Variants in NOS1AP observed in about 807,000 individuals in gnomAD.
The protein encoded by NOS1AP is carboxyl-terminal PDZ ligand of neuronal nitric oxide synthase protein.
NOS1AP carries 21 observed loss-of-function variants against 56.2 expected under a neutral mutation model. That is an observed-to-expected ratio of 0.37 (90% CI 0.26 to 0.54). The LOEUF (loss-of-function observed/expected upper bound fraction) is 0.54. NOS1AP is among the 20% of genes least tolerant of loss of function. The probability of loss-of-function intolerance (pLI) is 0.84; values close to 1 mark genes in which losing one functional copy is unlikely to be tolerated. For missense variants in NOS1AP, 522 were observed against 657.8 expected (o/e 0.79, Z 2.26); for synonymous variants, 270 against 274.6 (o/e 0.98, Z 0.17).
At chr1:162,082,777 C>A (rs1691922372) in intron 1 of NOS1AP, among the ~76,000 whole-genome samples, 1 of 152,168 alleles carries the variant, frequency 6.6e-6, no homozygotes, top group Non-Finnish European at 1.5e-5. Context: ...CATGGTGCCT[C>A]TGGTAGAGTA....
At chr1:162,159,152 CA>C (rs2102104867) in intron 2 of NOS1AP, among the ~76,000 whole-genome samples, 1 of 152,250 alleles carries the variant, frequency 6.6e-6, no homozygotes, top group East Asian at 1.9e-4. Flanking sequence ...GTATGATTTG[CA>C]TTAGTAAATA....
chr1:162,318,784 A>T (rs1421790655), intron 4 of NOS1AP, among the ~76,000 whole-genome samples: 3 of 151,972 alleles, frequency 2.0e-5, no homozygotes, highest in Non-Finnish European at 4.4e-5. Context: ...AGACAATTCC[A>T]TCTGGCTTTT....
intron 2 of NOS1AP, among the ~76,000 whole-genome samples, chr1:162,213,205 C>A (rs1367369966): frequency 6.6e-6 from 1 of 152,216 alleles, no homozygotes; most frequent in Non-Finnish European, 1.5e-5. Flanking sequence ...AGCATGACCC[C>A]TTTTGCTTTA....
intron 4 of NOS1AP, among the ~76,000 whole-genome samples, chr1:162,327,581 T>A (rs1438687423): frequency 6.6e-6 from 1 of 152,164 alleles, no homozygotes; most frequent in African/African-American, 2.4e-5. Flanking sequence ...GAGCTAGTCC[T>A]AAAAAACCAG....
chr1:162,133,412 C>T (rs1405357424), intron 1 of NOS1AP, among the ~76,000 whole-genome samples: 1 of 152,160 alleles, frequency 6.6e-6, no homozygotes, highest in Non-Finnish European at 1.5e-5. Context: ...TGTGCCTAAA[C>T]CCAGATACCA....
chr1:162,140,775 C>T (rs549445420), intron 1 of NOS1AP, among the ~76,000 whole-genome samples: 14 of 152,180 alleles, frequency 9.2e-5, no homozygotes, highest in Admixed American at 8.5e-4. Context: ...AGTATAGAAG[C>T]GCGCCCTTTT....
intron 1 of NOS1AP, among the ~76,000 whole-genome samples, chr1:162,149,445 A>C (rs1032644000): frequency 2.6e-5 from 4 of 152,252 alleles, no homozygotes; most frequent in Non-Finnish European, 4.4e-5. Flanking sequence ...ATGGTGTCTT[A>C]CACTTTGCTC....
In NOS1AP at chr1:162,276,199, A is replaced by G. The variant is rs927018339; in HGVS notation, c.178-11145A>G. 7.9e-5 allele frequency among the ~76,000 whole-genome samples: 12 copies of G among 152,276 alleles called. No individual in the cohort carries two copies. In the South Asian group the frequency reaches 2.5e-3, roughly 32 times the overall value. Reference sequence around the variant, plus strand: ...GGTTATGGCACTTTGCTATGGTGAAAACAGTCCTGCAGAAAACAGTGCTCT... The same window carrying G: ...GGTTATGGCACTTTGCTATGGTGAAGACAGTCCTGCAGAAAACAGTGCTCT... On this transcript the variant is annotated intron_variant, in intron 2 of 9. Coordinates refer to ENST00000361897, the MANE Select transcript of NOS1AP (RefSeq NM_014697.3).
intron 1 of NOS1AP, among the ~76,000 whole-genome samples, chr1:162,106,320 C>G (rs1359081536): frequency 1.3e-5 from 2 of 152,132 alleles, no homozygotes; most frequent in Non-Finnish European, 1.5e-5. Context: ...CCTGGTCAGT[C>G]CCAATGTGAG....
chr1:162,195,252 A>G (rs1287659347), intron 2 of NOS1AP, among the ~76,000 whole-genome samples: 10 of 152,166 alleles, frequency 6.6e-5, no homozygotes, highest in Admixed American at 6.5e-4. Flanking sequence ...TATTAATATT[A>G]ATACCAAATT....
rs16859730 is a variant in NOS1AP at position 162,287,290 on chromosome 1, G to C, written c.178-54G>C. 2.3e-6 allele frequency: 3 copies of C among 1,290,162 alleles called. No homozygotes were observed. The South Asian group carries it at 3.6e-5, about 15-fold the overall frequency. 79.9% of individuals were successfully genotyped at this position (1,290,162 alleles called of 1,614,324 possible). A position where few individuals can be genotyped will look rare whatever the true frequency, so the allele number is the denominator to read the frequency against. On this transcript the variant is annotated intron_variant, in intron 2 of 9. Transcript: ENST00000361897. ...GGCATGGGCTAGCTGGGTCTGTATA[G>C]ATGCACTGATCTCATCAGATTGCAC...
At chr1:162,196,070 A>G (rs186950009) in intron 2 of NOS1AP, among the ~76,000 whole-genome samples, 55 of 152,318 alleles carry the variant, frequency 3.6e-4, no homozygotes, top group Non-Finnish European at 5.9e-4. Context: ...TGGTTGTGTG[A>G]ATGTGGGGGT....
chr1:162,304,701 G>C (rs970314433), intron 4 of NOS1AP, among the ~76,000 whole-genome samples: 6 of 151,740 alleles, frequency 4.0e-5, no homozygotes, highest in African/African-American at 1.5e-4. Flanking sequence ...TTTAGTCCCT[G>C]TGTTTTCGGT....
In NOS1AP at chr1:162,288,767, T is replaced by TTA. The variant is rs138971089; in HGVS notation, c.270+1334_270+1335dup. ...AGTATGTAGAAAAAAGATATACTGT[T>TTA]TATAAAGAACCACCTTCTTCAAAAT... On this transcript the variant is annotated intron_variant, in intron 3 of 9. Coordinates refer to ENST00000361897, the MANE Select transcript of NOS1AP (RefSeq NM_014697.3). 8.9e-3 allele frequency among the ~76,000 whole-genome samples: 1,350 copies of TTA among 152,310 alleles called. 19 individuals carry two copies. Among genetic ancestry groups the TTA allele is most frequent in the African/African-American group, 0.031 (1,281 of 41,554 alleles).
chr1:162,196,363 T>G (rs12093324), intron 2 of NOS1AP, among the ~76,000 whole-genome samples: 18,290 of 152,240 alleles, frequency 0.12, 1,216 homozygotes, highest in South Asian at 0.2. Context: ...TACCACGCTC[T>G]TTCTGTATTA....
chr1:162,325,684 T>G (rs1656567452), intron 4 of NOS1AP, among the ~76,000 whole-genome samples: 1 of 152,144 alleles, frequency 6.6e-6, no homozygotes, highest in Non-Finnish European at 1.5e-5. Context: ...GTTTTCCGAC[T>G]TCTGCATGTG....
Position 162,337,577 on chromosome 1 carries a change from A to T in NOS1AP, c.453+4452A>T, listed in dbSNP as rs138221494. ...GAATCACTCTCTTTGTGGATGAGAAAATCAATACTGAGAAAGGAGAATTAA... is the reference window on the plus strand; with the variant it reads ...GAATCACTCTCTTTGTGGATGAGAATATCAATACTGAGAAAGGAGAATTAA... On this transcript the variant is annotated intron_variant, in intron 5 of 9. Transcript: ENST00000361897. Among the ~76,000 whole-genome samples, 8 of 152,330 alleles carry T rather than the reference A, an allele frequency of 5.3e-5. No individual in the cohort carries two copies. In the East Asian group the frequency reaches 1.5e-3, roughly 29 times the overall value.
At chr1:162,218,740 G>A (rs2101655061) in intron 2 of NOS1AP, among the ~76,000 whole-genome samples, 1 of 152,242 alleles carries the variant, frequency 6.6e-6, no homozygotes, top group African/African-American at 2.4e-5. Context: ...GAGGGTTTCA[G>A]GAGTGTCCCG....
chr1:162,202,778 T>C (rs943837356), intron 2 of NOS1AP, among the ~76,000 whole-genome samples: 1 of 152,248 alleles, frequency 6.6e-6, no homozygotes, highest in African/African-American at 2.4e-5. Flanking sequence ...TCAACTAAGA[T>C]GCTTTTTCTT....
Sources: gnomAD v4.1 joint callset for allele counts (sites outside exome capture counted in the v4.1 genomes callset) on GRCh38, gnomAD v4.1.1 for gene constraint, MANE v1.5 for transcripts, NCBI Gene and HGNC (gene_info 2026-07-23, HGNC 2026-07-21) for gene names.